Variants in GRM1 observed in about 807,000 individuals in gnomAD.
GRM1 encodes glutamate metabotropic receptor 1.
GRM1 carries 33 observed loss-of-function variants against 90.9 expected under a neutral mutation model. The observed-to-expected ratio is 0.36, with a 90% CI of 0.28 to 0.49. The LOEUF is 0.49. GRM1 is among the 20% of genes least tolerant of loss of function. The pLI is 0.99. For missense variants in GRM1, 1,190 were observed against 1,534.3 expected, an observed-to-expected ratio of 0.78 and a Z score of 3.75; for synonymous variants, 700 against 613.2, an observed-to-expected ratio of 1.14 and a Z score of -2.09.
In GRM1 at chr6:146,333,285, A is replaced by G. The variant is rs141189516; in HGVS notation, c.1187-18965A>G. 2.4e-3 allele frequency among the ~76,000 whole-genome samples: 368 copies of G among 152,214 alleles called. 3 individuals carry two copies. Among genetic ancestry groups the G allele is most frequent in the African/African-American group, 8.1e-3 (337 of 41,530 alleles). On this transcript the variant is annotated intron_variant, in intron 3 of 7. Coordinates refer to ENST00000282753, the MANE Select transcript of GRM1 (RefSeq NM_001278064.2). ...ACCCTTCCTCATATGGGTGCAAACA[A>G]TGGCTCCTGGGATGTGGGTGAACTC...
intron 2 of GRM1, among the ~76,000 whole-genome samples, chr6:146,238,754 TTGAAG>T (rs1409532802): frequency 2.0e-5 from 3 of 152,126 alleles, no homozygotes; most frequent in African/African-American, 4.8e-5. Flanking sequence ...TTTCTTTAAG[TTGAAG>T]TGAAGTGGAC....
chr6:146,302,823 A>C (rs562814012), intron 2 of GRM1, among the ~76,000 whole-genome samples: 117 of 152,084 alleles, frequency 7.7e-4, no homozygotes, highest in African/African-American at 2.7e-3. Flanking sequence ...TGCTAGGAAC[A>C]CACAGAAGTA....
chr6:146,104,178 C>T (rs1002751670), intron 1 of GRM1, among the ~76,000 whole-genome samples: 6 of 152,174 alleles, frequency 3.9e-5, no homozygotes, highest in Middle Eastern at 3.2e-3. Context: ...CGGTGGCTTA[C>T]GCCTGTAATC....
chr6:146,154,081 G>A (rs976417542), intron 1 of GRM1, among the ~76,000 whole-genome samples: 3 of 152,104 alleles, frequency 2.0e-5, no homozygotes. Flanking sequence ...ATGCCTAAGG[G>A]TCTTTATTAG....
chr6:146,101,596 A>G (rs1467692742), intron 1 of GRM1, among the ~76,000 whole-genome samples: 2 of 152,050 alleles, frequency 1.3e-5, no homozygotes, highest in South Asian at 4.1e-4. Context: ...CCACACTGCA[A>G]CTGCTCTGCC....
At chr6:146,103,163 T>C (rs1325882646) in intron 1 of GRM1, among the ~76,000 whole-genome samples, 1 of 152,188 alleles carries the variant, frequency 6.6e-6, no homozygotes, top group Non-Finnish European at 1.5e-5. Flanking sequence ...AAATTGGCAA[T>C]TGGCATTTTT....
intron 2 of GRM1, among the ~76,000 whole-genome samples, chr6:146,194,420 T>C (rs1478145211): frequency 2.0e-5 from 3 of 152,244 alleles, no homozygotes; most frequent in Non-Finnish European, 2.9e-5. Flanking sequence ...TGTAATGTTA[T>C]ATTTCCTTAA....
intron 5 of GRM1, among the ~76,000 whole-genome samples, chr6:146,367,770 T>C (rs891180576): frequency 2.6e-5 from 4 of 152,158 alleles, no homozygotes; most frequent in African/African-American, 9.7e-5. Context: ...GGCTGTGTAG[T>C]ATTTTACAGT....
intron 1 of GRM1, among the ~76,000 whole-genome samples, chr6:146,031,649 A>G (rs770887544): frequency 2.6e-5 from 4 of 152,132 alleles, no homozygotes; most frequent in Non-Finnish European, 4.4e-5. Context: ...TTAATCATGA[A>G]CTGCGTATCT....
intron 2 of GRM1, among the ~76,000 whole-genome samples, chr6:146,225,897 A>G (rs751094885): frequency 2.0e-5 from 3 of 152,184 alleles, no homozygotes; most frequent in Non-Finnish European, 4.4e-5. Context: ...CTGAACAACT[A>G]GATAAATTTC....
intron 1 of GRM1, among the ~76,000 whole-genome samples, chr6:146,155,188 C>A (rs1184125101): frequency 2.0e-5 from 3 of 152,208 alleles, no homozygotes; most frequent in Non-Finnish European, 4.4e-5. Flanking sequence ...TACAGCAATG[C>A]ACCAGTAATG....
At chr6:146,293,534 A>G (rs1783069785) in intron 2 of GRM1, among the ~76,000 whole-genome samples, 1 of 152,026 alleles carries the variant, frequency 6.6e-6, no homozygotes, top group South Asian at 2.1e-4. Context: ...TTACAACAAT[A>G]TCGTGAGTGA....
intron 2 of GRM1, among the ~76,000 whole-genome samples, chr6:146,280,573 A>C (rs1170666489): frequency 6.6e-6 from 1 of 152,166 alleles, no homozygotes; most frequent in Non-Finnish European, 1.5e-5. Context: ...CATTTTCTAC[A>C]TAATGGATTG....
chr6:146,388,065 T>C (rs559732212), intron 6 of GRM1, among the ~76,000 whole-genome samples: 3 of 152,248 alleles, frequency 2.0e-5, no homozygotes, highest in South Asian at 2.1e-4. Flanking sequence ...GTGATGTTCA[T>C]ATAAATGAAT....
At chr6:146,200,202 T>G (rs1412200483) in intron 2 of GRM1, among the ~76,000 whole-genome samples, 1 of 152,178 alleles carries the variant, frequency 6.6e-6, no homozygotes, top group Non-Finnish European at 1.5e-5. Context: ...CAGTTAAGTC[T>G]TCAGCCTGCT....
At chr6:146,188,780 C>G (rs1239751342) in intron 2 of GRM1, among the ~76,000 whole-genome samples, 1 of 152,166 alleles carries the variant, frequency 6.6e-6, no homozygotes, top group Non-Finnish European at 1.5e-5. Context: ...ATTAGACTAC[C>G]CATTTTAGTT....
At chr6:146,182,017 A>C (rs1371665671) in intron 2 of GRM1, among the ~76,000 whole-genome samples, 2 of 152,174 alleles carry the variant, frequency 1.3e-5, no homozygotes, top group African/African-American at 4.8e-5. Flanking sequence ...TATTAATAAA[A>C]AAGTTGTGAA....
chr6:146,039,145 G>A (rs1333728101), intron 1 of GRM1, among the ~76,000 whole-genome samples: 1 of 151,922 alleles, frequency 6.6e-6, no homozygotes, highest in Non-Finnish European at 1.5e-5. Context: ...TTCACCACAT[G>A]GTGATTACTA....
intron 3 of GRM1, among the ~76,000 whole-genome samples, chr6:146,343,692 AGT>A (rs1785068379): frequency 7.5e-6 from 1 of 134,018 alleles, no homozygotes; most frequent in Admixed American, 7.2e-5. Context: ...ATTGAGATGG[AGT>A]CTTTCTCTGT....
Sources: gnomAD v4.1 joint callset for allele counts (sites outside exome capture counted in the v4.1 genomes callset) on GRCh38, gnomAD v4.1.1 for gene constraint, MANE v1.5 for transcripts, NCBI Gene and HGNC (gene_info 2026-07-23, HGNC 2026-07-21) for gene names.